CNTNAP3B: variants seen among roughly 807,000 people sequenced by gnomAD.
CNTNAP3B encodes contactin-associated protein-like 3B.
A neutral mutation model predicts 108.9 loss-of-function variants in CNTNAP3B; 25 were observed. That is an observed-to-expected ratio of 0.23 (90% confidence interval 0.17 to 0.32). The LOEUF (loss-of-function observed/expected upper bound fraction) is 0.32. Among genes scored for constraint, CNTNAP3B ranks in the 10% least tolerant of loss-of-function variants. The pLI is 1.00. For synonymous variants in CNTNAP3B, 103 were observed against 473.4 expected, an observed-to-expected ratio of 0.22 and a Z score of 10.16; for missense variants, 252 against 1,210.4, an observed-to-expected ratio of 0.21 and a Z score of 11.75.
chr9:42,077,129 A>C lies in CNTNAP3B; in HGVS notation c.197-67T>G, dbSNP rs1030332044. 4 of 1,097,022 alleles carry C rather than the reference A, an allele frequency of 3.6e-6. No individual in the cohort carries two copies. The African/African-American group carries it at 5.8e-5, about 16-fold the overall frequency. 68.0% of individuals were successfully genotyped at this position (1,097,022 alleles called of 1,614,324 possible). ...AGTTATTTAACATAGCTGTTACTAGATTAGAAAACTATAAAATTATGAATA... is the reference window on the plus strand; with the variant it reads ...AGTTATTTAACATAGCTGTTACTAGCTTAGAAAACTATAAAATTATGAATA... On this transcript the variant is annotated intron_variant, in intron 2 of 23. Transcript: ENST00000377561.
At chr9:41,922,475 A>C (rs1429437598) in intron 17 of CNTNAP3B, among the ~76,000 whole-genome samples, 1 of 141,168 alleles carries the variant, frequency 7.1e-6, no homozygotes, top group Non-Finnish European at 1.5e-5. Flanking sequence ...GAAAACAAAA[A>C]TAAAAACAAA....
intron 15 of CNTNAP3B, among the ~76,000 whole-genome samples, chr9:41,927,555 G>GAGGA (rs1379416216): frequency 2.8e-4 from 41 of 148,106 alleles, no homozygotes; most frequent in African/African-American, 7.9e-4. Flanking sequence ...GGGAGGGAGG[G>GAGGA]AGGAAGGAAG....
intron 15 of CNTNAP3B, among the ~76,000 whole-genome samples, chr9:41,927,420 AAAAG>A (rs1160294947): frequency 5.9e-4 from 88 of 149,942 alleles, no homozygotes; most frequent in African/African-American, 1.4e-3. Context: ...GAAAGAAAGA[AAAAG>A]AAAGAAAAGA....
chr9:42,121,352 C>T (rs984755029), intron 1 of CNTNAP3B, among the ~76,000 whole-genome samples: 3 of 139,362 alleles, frequency 2.2e-5, no homozygotes, highest in Admixed American at 7.2e-5. Context: ...TGCACAAACG[C>T]CCATCACAGG....
chr9:41,956,020 T>A, intron 12 of CNTNAP3B, among the ~76,000 whole-genome samples: 1 of 152,238 alleles, frequency 6.6e-6, no homozygotes, highest in Non-Finnish European at 1.5e-5. Flanking sequence ...ACACAATGCC[T>A]ATTTTATAAT....
intron 3 of CNTNAP3B, among the ~76,000 whole-genome samples, chr9:42,030,750 C>CAGAGAGACAG (rs1335836899): frequency 1.7e-5 from 1 of 60,404 alleles, no homozygotes; most frequent in African/African-American, 7.7e-5. Flanking sequence ...GAAAGAGATA[C>CAGAGAGACAG]AGAGAGAGAG....
Position 41,957,746 on chromosome 9 carries a change from G to T in CNTNAP3B, c.1876+3027C>A, listed in dbSNP as rs1824907082. Among the ~76,000 whole-genome samples the T allele has an allele frequency of 3.3e-5, 5 of 152,202 alleles. No individual in the cohort carries two copies. The South Asian group carries it at 1.0e-3, about 31-fold the overall frequency. ...CCTGCCATATCTGACTCTGGTTTTT[G>T]TTTGTTTGTTTTGTTTGTTTTTTGG... On this transcript the variant is annotated intron_variant, in intron 12 of 23. Coordinates refer to ENST00000377561, the MANE Select transcript of CNTNAP3B (RefSeq NM_001201380.3).
At chr9:42,124,503 A>C (rs1447468601) in intron 1 of CNTNAP3B, among the ~76,000 whole-genome samples, 1 of 134,738 alleles carries the variant, frequency 7.4e-6, no homozygotes, top group Non-Finnish European at 1.6e-5. Flanking sequence ...CAAGTGGAAA[A>C]GGAATATTTT....
At chr9:41,957,927 A>G (rs1368749692) in intron 12 of CNTNAP3B, among the ~76,000 whole-genome samples, 2 of 151,438 alleles carry the variant, frequency 1.3e-5, no homozygotes, top group Non-Finnish European at 2.9e-5. Flanking sequence ...CGCCCGGCTA[A>G]TTTTGTTTGT....
At chr9:42,024,669 C>CAAA (rs1216353981) in intron 3 of CNTNAP3B, among the ~76,000 whole-genome samples, 8,230 of 82,076 alleles carry the variant, frequency 0.1, 36 homozygotes, top group Middle Eastern at 0.15. Context: ...CCAGGGTTCA[C>CAAA]AAAAAAAAAA....
At chr9:42,111,967 T>C (rs576388610) in intron 1 of CNTNAP3B, among the ~76,000 whole-genome samples, 1 of 139,104 alleles carries the variant, frequency 7.2e-6, no homozygotes, top group South Asian at 2.3e-4. Context: ...ATCAACGAGC[T>C]CCAATGGATC....
intron 15 of CNTNAP3B, among the ~76,000 whole-genome samples, chr9:41,927,451 G>C (rs1823851737): frequency 6.7e-6 from 1 of 150,226 alleles, no homozygotes. Context: ...GAGAAAGAAA[G>C]AAGAGAGGGA....
At chr9:41,938,869 G>C (rs1180893888) in intron 13 of CNTNAP3B, among the ~76,000 whole-genome samples, 1 of 152,288 alleles carries the variant, frequency 6.6e-6, no homozygotes, top group Admixed American at 6.5e-5. Context: ...GGTATTCTCT[G>C]TCAGTACTTA....
chr9:41,996,065 A>G, intron 7 of CNTNAP3B, 140 bp downstream of exon 7: 1 of 378,808 alleles, frequency 2.6e-6, no homozygotes, highest in South Asian at 5.1e-5. Flanking sequence ...ATAAAACTAA[A>G]TTACTATATT....
intron 9 of CNTNAP3B, among the ~76,000 whole-genome samples, chr9:41,976,967 C>G (rs1437147460): frequency 7.0e-6 from 1 of 142,596 alleles, no homozygotes; most frequent in Non-Finnish European, 1.5e-5. Flanking sequence ...TTTTATAAAG[C>G]AAATCTAAAA....
intron 2 of CNTNAP3B, among the ~76,000 whole-genome samples, chr9:42,089,148 A>AGG (rs1827766385): frequency 1.1e-5 from 1 of 87,736 alleles, no homozygotes; most frequent in Non-Finnish European, 2.3e-5. Context: ...GGAAAGGGAA[A>AGG]GGGAAAAAGG....
chr9:41,940,529 A>G (rs1274341783), intron 13 of CNTNAP3B, among the ~76,000 whole-genome samples: 2 of 152,192 alleles, frequency 1.3e-5, no homozygotes, highest in East Asian at 1.9e-4. Flanking sequence ...TGGAAATAAA[A>G]TCTTTTTAGG....
chr9:42,110,625 G>A (rs1828176943), intron 1 of CNTNAP3B, among the ~76,000 whole-genome samples: 1 of 137,390 alleles, frequency 7.3e-6, no homozygotes, highest in Admixed American at 7.3e-5. Context: ...CTTCTCTCTG[G>A]TTCCACATAT....
intron 18 of CNTNAP3B, among the ~76,000 whole-genome samples, chr9:41,919,513 G>T (rs1392683996): frequency 2.6e-5 from 4 of 152,302 alleles, no homozygotes; most frequent in Non-Finnish European, 4.4e-5. Flanking sequence ...AAGTGTTTGA[G>T]TGATCCTGTT....
Sources: allele counts gnomAD v4.1 joint callset (sites outside exome capture counted in the v4.1 genomes callset), GRCh38; gene constraint gnomAD v4.1.1; transcripts MANE v1.5; gene names NCBI Gene and HGNC (gene_info 2026-07-23, HGNC 2026-07-21).